Variants in SEM1 observed in about 807,000 individuals in gnomAD.
SEM1 encodes the protein 26S proteasome complex subunit SEM1.
SEM1 carries 3 observed loss-of-function variants against 12.7 expected under a neutral mutation model. That is an observed-to-expected ratio of 0.24 (90% CI 0.11 to 0.61). The LOEUF (loss-of-function observed/expected upper bound fraction) is 0.61. Among genes scored for constraint, SEM1 ranks in the 20% least tolerant of loss-of-function variants. The pLI is 0.88. For missense variants in SEM1, 59 were observed against 81.3 expected (o/e 0.73, Z 1.06); for synonymous variants, 30 against 27.8 (o/e 1.08, Z -0.25).
intron 1 of SEM1, among the ~76,000 whole-genome samples, chr7:96,704,538 G>A (rs1584875864): frequency 6.6e-6 from 1 of 152,014 alleles, no homozygotes; most frequent in Non-Finnish European, 1.5e-5. Context: ...CTATCCTGGG[G>A]TTCAAAAACT....
intron 2 of SEM1, among the ~76,000 whole-genome samples, chr7:96,615,720 T>C (rs1807697847): frequency 6.6e-6 from 1 of 152,232 alleles, no homozygotes; most frequent in South Asian, 2.1e-4. Context: ...ATCCAATAGG[T>C]AATTTTTCAA....
intron 2 of SEM1, among the ~76,000 whole-genome samples, chr7:96,652,357 T>C (rs1161729419): frequency 6.6e-6 from 1 of 152,154 alleles, no homozygotes; most frequent in African/African-American, 2.4e-5. Flanking sequence ...TGCAAATTAT[T>C]TGAATTCTAT....
chr7:96,598,217 A>G (rs1286786860), intron 2 of SEM1, among the ~76,000 whole-genome samples: 9 of 152,208 alleles, frequency 5.9e-5, no homozygotes, highest in African/African-American at 2.2e-4. Flanking sequence ...TCAAAAAAAG[A>G]TAATGAACTG....
chr7:96,622,971 G>C (rs571890142), intron 2 of SEM1: 40 of 270,598 alleles, frequency 1.5e-4, no homozygotes, highest in African/African-American at 8.4e-4. Flanking sequence ...CAGGGTGCCA[G>C]GCATTTGGCT....
At chr7:96,643,565 T>C (rs919850177) in intron 2 of SEM1, among the ~76,000 whole-genome samples, 6 of 152,058 alleles carry the variant, frequency 3.9e-5, no homozygotes, top group Non-Finnish European at 7.4e-5. Flanking sequence ...CAAATGTCCA[T>C]TAATGATAGA....
At position 96,683,582 on chromosome 7, in the gene SEM1, G is replaced by A. The variant is rs546052310; in HGVS notation, c.171-9723C>T. On this transcript the variant is annotated intron_variant, in intron 2 of 2. Transcript: ENST00000413065. ...TCATTCTATAAAGCCACATGCACAC[G>A]TATGTTTATTGCAGCACTGTTCACA... Among the ~76,000 whole-genome samples, 406 of 152,252 alleles carry A rather than the reference G, an allele frequency of 2.7e-3. 3 individuals are homozygous for A. The highest frequency in any genetic ancestry group is 9.4e-3 in the African/African-American group (391 of 41,556).
At chr7:96,599,949 A>G (rs1807147169) in intron 2 of SEM1, among the ~76,000 whole-genome samples, 1 of 152,262 alleles carries the variant, frequency 6.6e-6, no homozygotes, top group Non-Finnish European at 1.5e-5. Flanking sequence ...CTGCTACTCA[A>G]AAGTGATTAC....
intron 2 of SEM1, among the ~76,000 whole-genome samples, chr7:96,665,295 AG>A (rs1563103829): frequency 6.6e-6 from 1 of 152,140 alleles, no homozygotes; most frequent in African/African-American, 2.4e-5. Context: ...GAGCTCACCA[AG>A]GGGGGAAATG....
chr7:96,634,013 A>C (rs1431799666), intron 2 of SEM1, among the ~76,000 whole-genome samples: 6 of 152,296 alleles, frequency 3.9e-5, no homozygotes, highest in South Asian at 4.1e-4. Flanking sequence ...ATGTCTTTAA[A>C]AGATAGGTAG....
intron 1 of SEM1, among the ~76,000 whole-genome samples, chr7:96,704,853 T>C (rs2116028685): frequency 6.6e-6 from 1 of 152,370 alleles, no homozygotes; most frequent in African/African-American, 2.4e-5. Flanking sequence ...GAATGTTTAG[T>C]CCTGTTGGTA....
At chr7:96,605,414 C>T (rs960018902) in intron 2 of SEM1, among the ~76,000 whole-genome samples, 40 of 152,150 alleles carry the variant, frequency 2.6e-4, no homozygotes, top group African/African-American at 8.9e-4. Flanking sequence ...AGTCTATTGA[C>T]ACAAAAGTAA....
intron 1 of SEM1, among the ~76,000 whole-genome samples, chr7:96,698,208 A>T (rs1429160197): frequency 2.0e-5 from 3 of 152,118 alleles, no homozygotes; most frequent in Admixed American, 2.0e-4. Flanking sequence ...AAAAAATATA[A>T]GTCTGGCAGA....
At chr7:96,685,943 G>A (rs749015082), downstream of SEM1, among the ~76,000 whole-genome samples, 10 of 152,016 alleles carry the variant, frequency 6.6e-5, no homozygotes, top group Non-Finnish European at 1.3e-4. Context: ...GTCTAATTAT[G>A]AGTCAAACCT....
At chr7:96,518,788 A>G (rs1259344532) in intron 2 of SEM1, among the ~76,000 whole-genome samples, 3 of 152,150 alleles carry the variant, frequency 2.0e-5, no homozygotes, top group Non-Finnish European at 4.4e-5. Flanking sequence ...CCCCCACTCC[A>G]TCATTCCCCT....
chr7:96,515,446 A>G (rs1456837123), intron 2 of SEM1, among the ~76,000 whole-genome samples: 1 of 152,184 alleles, frequency 6.6e-6, no homozygotes, highest in African/African-American at 2.4e-5. Context: ...AAATAATTCA[A>G]CCATTGTGGA....
At chr7:96,633,574 T>C (rs1808337707) in intron 2 of SEM1, among the ~76,000 whole-genome samples, 1 of 152,166 alleles carries the variant, frequency 6.6e-6, no homozygotes, top group Admixed American at 6.6e-5. Flanking sequence ...GGATGTATTA[T>C]AATATAAAGC....
chr7:96,696,037 T>G (rs572126962), intron 1 of SEM1: 54 of 152,112 alleles, frequency 3.6e-4, no homozygotes, highest in African/African-American at 1.2e-3. Context: ...TTAAGTGATG[T>G]CTTCAAGTTG....
chr7:96,608,880 C>T (rs1807461477), intron 2 of SEM1, among the ~76,000 whole-genome samples: 1 of 152,168 alleles, frequency 6.6e-6, no homozygotes, highest in Non-Finnish European at 1.5e-5. Flanking sequence ...CCATTGTGAA[C>T]ATTTGTGTAC....
intron 2 of SEM1, among the ~76,000 whole-genome samples, chr7:96,636,054 T>G (rs1008330125): frequency 2.0e-5 from 3 of 152,120 alleles, no homozygotes; most frequent in African/African-American, 4.8e-5. Context: ...AGAATCAATG[T>G]CTTTTTTAAG....
Sources: gnomAD v4.1 joint callset for allele counts (sites outside exome capture counted in the v4.1 genomes callset) on GRCh38, gnomAD v4.1.1 for gene constraint, MANE v1.5 for transcripts, NCBI Gene and HGNC (gene_info 2026-07-23, HGNC 2026-07-21) for gene names.